PCDHA9: variants seen among roughly 807,000 people sequenced by gnomAD.
PCDHA9 encodes protocadherin alpha 9.
Under a neutral mutation model 62.0 loss-of-function variants are expected in PCDHA9, and 62 were observed. That is an observed-to-expected ratio of 1.00 (90% CI 0.81 to 1.23). The LOEUF (loss-of-function observed/expected upper bound fraction) is 1.23. PCDHA9 is among the 50% of genes most tolerant of loss of function. The probability of loss-of-function intolerance (pLI) is 0.00; values close to 1 mark genes in which losing one functional copy is unlikely to be tolerated. For missense variants in PCDHA9, 1,205 were observed against 1,249.8 expected, an observed-to-expected ratio of 0.96 and a Z score of 0.54; for synonymous variants, 557 against 567.6, an observed-to-expected ratio of 0.98 and a Z score of 0.27.
At chr5:140,858,195 A>G in intron 1 of PCDHA9, 1 of 1,597,156 alleles carries the variant, frequency 6.3e-7, no homozygotes, top group East Asian at 2.2e-5. Flanking sequence ...CTGCTGCTGT[A>G]CACTGCACTG....
chr5:141,005,666 C>T (rs1304126376), intron 3 of PCDHA9, among the ~76,000 whole-genome samples: 2 of 130,134 alleles, frequency 1.5e-5, no homozygotes, highest in Non-Finnish European at 3.1e-5. Context: ...CGCGCCACTG[C>T]ACTCCAGCCT....
chr5:140,925,409 G>T (rs2082484194), intron 1 of PCDHA9, among the ~76,000 whole-genome samples: 1 of 152,078 alleles, frequency 6.6e-6, no homozygotes, highest in Admixed American at 6.5e-5. Flanking sequence ...CCTTCTTAGG[G>T]AAAGGAACTG....
chr5:141,001,478 A>G, intron 3 of PCDHA9, among the ~76,000 whole-genome samples: 1 of 152,236 alleles, frequency 6.6e-6, no homozygotes, highest in Non-Finnish European at 1.5e-5. Context: ...GCAGCGGGGA[A>G]GTGCTGGAAA....
At chr5:140,884,543 T>A (rs1582792528) in intron 1 of PCDHA9, 1 of 1,614,034 alleles carries the variant, frequency 6.2e-7, no homozygotes, top group Non-Finnish European at 8.5e-7. Flanking sequence ...GCCGAGGGTG[T>A]GCTCTGGGGA....
rs1266010631 is a variant in PCDHA9, at chr5:140,857,226, C to T, written c.2394+6337C>T. 4.4e-6 allele frequency: 7 copies of T among 1,598,494 alleles called. 1 individual carries two copies. Among genetic ancestry groups the T allele is most frequent in the Non-Finnish European group, 5.1e-6 (6 of 1,167,908 alleles). On this transcript the variant is annotated intron_variant, in intron 1 of 3. Coordinates refer to ENST00000532602, the MANE Select transcript of PCDHA9 (RefSeq NM_031857.2). ...ACCTGCTCTCTGACGCCTCACGTTC[C>T]GTTCAAGCTGGTGTCCACCTACAAG...
At chr5:140,983,018 A>T (rs2097022598) in intron 3 of PCDHA9, among the ~76,000 whole-genome samples, 1 of 152,096 alleles carries the variant, frequency 6.6e-6, no homozygotes, top group African/African-American at 2.4e-5. Flanking sequence ...GGAAGGAAGG[A>T]AGGAAGATGG....
At chr5:140,851,805 T>A (rs2042164036) in intron 1 of PCDHA9, 1 of 945,532 alleles carries the variant, frequency 1.1e-6, no homozygotes. Flanking sequence ...CTGTCAGTAA[T>A]CCATAAGACA....
chr5:140,970,078 A>G (rs1260486106), intron 1 of PCDHA9, among the ~76,000 whole-genome samples: 2 of 152,124 alleles, frequency 1.3e-5, no homozygotes, highest in African/African-American at 4.8e-5. Context: ...TGAGTGGATT[A>G]GGGGTGTGGG....
chr5:140,873,656 A>G (rs1364222797), intron 1 of PCDHA9, among the ~76,000 whole-genome samples: 2 of 152,120 alleles, frequency 1.3e-5, no homozygotes, highest in Non-Finnish European at 2.9e-5. Flanking sequence ...TACATAACAC[A>G]CTATTATTAT....
chr5:140,870,823 G>A (rs971082881), intron 1 of PCDHA9: 1 of 1,613,762 alleles, frequency 6.2e-7, no homozygotes, highest in Non-Finnish European at 8.5e-7. Flanking sequence ...CAGCGCGGGA[G>A]GCGCAGTTAA....
intron 1 of PCDHA9, chr5:140,854,705 T>A (rs1409807504): frequency 2.7e-5 from 4 of 150,008 alleles, no homozygotes; most frequent in Non-Finnish European, 4.5e-5. Context: ...TTTCCTTTCT[T>A]GGAAAGACAG....
chr5:140,879,740 T>G (rs1337276853), intron 1 of PCDHA9, among the ~76,000 whole-genome samples: 1 of 152,200 alleles, frequency 6.6e-6, no homozygotes, highest in East Asian at 1.9e-4. Flanking sequence ...ATCAAGGTGT[T>G]GTCAAGGCTA....
At position 140,960,349 on chromosome 5, in the gene PCDHA9, A is replaced by T. The variant is rs936485666; in HGVS notation, c.2395-18600A>T. Among the ~76,000 whole-genome samples, 8 of 152,238 alleles carry T rather than the reference A, an allele frequency of 5.3e-5. No homozygotes were observed. The East Asian group carries it at 1.3e-3, about 26-fold the overall frequency. ...GAGAAGTACATGAGGTGAGATATGTACTGAAATAATATGCCAACTCTTAAG... is the reference window on the plus strand; with the variant it reads ...GAGAAGTACATGAGGTGAGATATGTTCTGAAATAATATGCCAACTCTTAAG... On this transcript the variant is annotated intron_variant, in intron 1 of 3. Coordinates refer to ENST00000532602, the MANE Select transcript of PCDHA9 (RefSeq NM_031857.2).
chr5:140,982,300 GCTT>G, intron 2 of PCDHA9, 172 bp from the exon 3 acceptor site: 2 of 1,204,624 alleles, frequency 1.7e-6, no homozygotes, highest in Non-Finnish European at 1.1e-6. Context: ...AGTCAGCAAT[GCTT>G]CTGCAGTTTA....
chr5:140,933,945 T>A (rs1435633780), intron 1 of PCDHA9, among the ~76,000 whole-genome samples: 1 of 152,084 alleles, frequency 6.6e-6, no homozygotes, highest in Non-Finnish European at 1.5e-5. Flanking sequence ...TTTTCACATC[T>A]GCAGGATCTG....
chr5:140,960,849 A>G (rs1347970743), intron 1 of PCDHA9, among the ~76,000 whole-genome samples: 10 of 152,220 alleles, frequency 6.6e-5, no homozygotes, highest in African/African-American at 2.2e-4. Context: ...TTTAATGGCA[A>G]CTATAAGCCA....
chr5:141,003,425 C>A (rs1344914063), intron 3 of PCDHA9, among the ~76,000 whole-genome samples: 1 of 152,138 alleles, frequency 6.6e-6, no homozygotes, highest in Non-Finnish European at 1.5e-5. Context: ...GATTCTTATG[C>A]CTCAGCCTCC....
chr5:140,877,032 G>A (rs2056800154), intron 1 of PCDHA9: 1 of 1,612,266 alleles, frequency 6.2e-7, no homozygotes, highest in African/African-American at 1.3e-5. Flanking sequence ...TGTACGCGCT[G>A]CAGCCGCTAG....
At chr5:140,857,947 G>C in intron 1 of PCDHA9, 1 of 1,597,414 alleles carries the variant, frequency 6.3e-7, no homozygotes, top group Non-Finnish European at 8.6e-7. Flanking sequence ...TCAGTACGAC[G>C]CGCGCTCTGG....
Sources: allele counts gnomAD v4.1 joint callset (sites outside exome capture counted in the v4.1 genomes callset), GRCh38; gene constraint gnomAD v4.1.1; transcripts MANE v1.5; gene names NCBI Gene and HGNC (gene_info 2026-07-23, HGNC 2026-07-21).